RAD51B: variants seen among roughly 807,000 people sequenced by gnomAD.
RAD51B encodes the protein DNA repair protein RAD51 homolog 2.
In RAD51B, 38 loss-of-function variants were observed where a neutral mutation model predicts 42.2. The ratio of observed to expected loss-of-function variants is 0.90; its 90% confidence interval spans 0.70 to 1.18. The LOEUF (loss-of-function observed/expected upper bound fraction) is 1.18, where lower values mean the gene tolerates loss of function less well. RAD51B is among the 50% of genes most tolerant of loss of function. The pLI is 0.00. For missense variants in RAD51B, 373 were observed against 400.7 expected, an observed-to-expected ratio of 0.93 and a Z score of 0.59; for synonymous variants, 154 against 145.2, an observed-to-expected ratio of 1.06 and a Z score of -0.43.
At chr14:67,946,299 T>G (rs2045389368) in intron 7 of RAD51B, among the ~76,000 whole-genome samples, 1 of 152,208 alleles carries the variant, frequency 6.6e-6, no homozygotes, top group Admixed American at 6.5e-5. Flanking sequence ...AATAAATAGC[T>G]AAAGAAATTA....
intron 5 of RAD51B, among the ~76,000 whole-genome samples, chr14:67,867,686 G>A (rs575268237): frequency 6.6e-6 from 1 of 152,198 alleles, no homozygotes; most frequent in Admixed American, 6.5e-5. Context: ...TAAAACTGGG[G>A]CTCTCATAGC....
At chr14:68,332,920 A>G (rs2082378345) in intron 8 of RAD51B, among the ~76,000 whole-genome samples, 1 of 152,228 alleles carries the variant, frequency 6.6e-6, no homozygotes, top group Non-Finnish European at 1.5e-5. Context: ...AGTGATGCTG[A>G]AATGACTGAT....
chr14:68,027,499 A>G (rs867459793), intron 7 of RAD51B, among the ~76,000 whole-genome samples: 1 of 151,658 alleles, frequency 6.6e-6, no homozygotes, highest in African/African-American at 2.4e-5. Context: ...ATCTCTTTAC[A>G]TGCGCTCATA....
chr14:67,844,055 T>C (rs1739017632), intron 4 of RAD51B, among the ~76,000 whole-genome samples: 1 of 152,172 alleles, frequency 6.6e-6, no homozygotes, highest in Non-Finnish European at 1.5e-5. Context: ...TGTATCTTTA[T>C]TCTCATTAGT....
chr14:68,581,720 A>G (rs930685100), intron 10 of RAD51B, among the ~76,000 whole-genome samples: 1 of 152,228 alleles, frequency 6.6e-6, no homozygotes, highest in African/African-American at 2.4e-5. Flanking sequence ...AGCAAAAAGA[A>G]CAAACCTGGA....
At chr14:67,935,353 C>CA (rs1337734194) in intron 7 of RAD51B, among the ~76,000 whole-genome samples, 2 of 152,092 alleles carry the variant, frequency 1.3e-5, no homozygotes, top group African/African-American at 2.4e-5. Context: ...GCCAATTCTA[C>CA]AAATACAACT....
chr14:68,140,704 C>T (rs1372961622), intron 7 of RAD51B, among the ~76,000 whole-genome samples: 2 of 152,214 alleles, frequency 1.3e-5, no homozygotes, highest in Non-Finnish European at 2.9e-5. Flanking sequence ...TTCATACCCC[C>T]TGCCATGCTC....
chr14:67,841,630 G>T (rs1356514757), intron 4 of RAD51B, among the ~76,000 whole-genome samples: 1 of 152,172 alleles, frequency 6.6e-6, no homozygotes, highest in Non-Finnish European at 1.5e-5. Flanking sequence ...TAATTATTCT[G>T]CATATGGCTA....
At chr14:68,482,398 A>G (rs147542955), downstream of RAD51B, among the ~76,000 whole-genome samples, 302 of 152,314 alleles carry the variant, frequency 2.0e-3, no homozygotes, top group Non-Finnish European at 2.9e-3. Flanking sequence ...TGAACAAAGC[A>G]AAATGACTGC....
At chr14:68,589,681 G>T (rs1890652081) in intron 10 of RAD51B, among the ~76,000 whole-genome samples, 1 of 152,156 alleles carries the variant, frequency 6.6e-6, no homozygotes. Context: ...TAGAAGCCTG[G>T]CCAGGCCCCT....
intron 7 of RAD51B, among the ~76,000 whole-genome samples, chr14:68,016,481 A>G (rs2075779597): frequency 6.6e-6 from 1 of 152,204 alleles, no homozygotes; most frequent in Admixed American, 6.5e-5. Context: ...AATGTCCAAC[A>G]TATTTAACAA....
intron 10 of RAD51B, chr14:68,540,081 G>A (rs1212430953): frequency 6.6e-6 from 4 of 605,552 alleles, no homozygotes; most frequent in South Asian, 1.5e-4. Context: ...AGCAATAGAG[G>A]GACAGAGAGA....
intron 7 of RAD51B, among the ~76,000 whole-genome samples, chr14:68,244,357 A>G (rs1384063465): frequency 3.3e-5 from 5 of 152,194 alleles, no homozygotes; most frequent in Non-Finnish European, 1.5e-5. Context: ...TGGAACAGAT[A>G]AAGCATTGGC....
intron 10 of RAD51B, among the ~76,000 whole-genome samples, chr14:68,609,190 C>T (rs1194113110): frequency 6.6e-6 from 1 of 152,218 alleles, no homozygotes; most frequent in Non-Finnish European, 1.5e-5. Context: ...CAGGCCTGCC[C>T]CGAGGGCCCC....
Position 68,128,721 on chromosome 14 carries a change from A to G in RAD51B, c.757-163163A>G, listed in dbSNP as rs549826221. Among the ~76,000 whole-genome samples, 6 of 152,284 alleles carry G rather than the reference A, an allele frequency of 3.9e-5. No individual in the cohort carries two copies. In the South Asian group the frequency reaches 6.2e-4, roughly 16 times the overall value. ...AAAACGTGAGTGGGGGGGCTTGTAG[A>G]TACTGCTCTGTATCTCTGCTCTCAA... On this transcript the variant is annotated intron_variant, in intron 7 of 10. Coordinates refer to ENST00000471583, the MANE Select transcript of RAD51B (RefSeq NM_133510.4).
At chr14:67,923,262 A>G (rs1206488557) in intron 7 of RAD51B, among the ~76,000 whole-genome samples, 3 of 146,298 alleles carry the variant, frequency 2.1e-5, no homozygotes, top group South Asian at 2.2e-4. Flanking sequence ...GTGTGTATAT[A>G]TATATATCAC....
At chr14:68,019,045 G>A (rs1277086957) in intron 7 of RAD51B, among the ~76,000 whole-genome samples, 4 of 151,992 alleles carry the variant, frequency 2.6e-5, no homozygotes, top group East Asian at 1.9e-4. Context: ...TAGTTATTAG[G>A]CATTCAGTAA....
intron 9 of RAD51B, among the ~76,000 whole-genome samples, chr14:68,422,559 C>CAAAA (rs60206313): frequency 8.6e-5 from 9 of 104,544 alleles, no homozygotes; most frequent in Admixed American, 1.1e-4. Context: ...GTCTCCATCT[C>CAAAA]AAAAAAAAAA....
At chr14:68,624,307 C>A (rs2140117591) in intron 10 of RAD51B, among the ~76,000 whole-genome samples, 1 of 152,312 alleles carries the variant, frequency 6.6e-6, no homozygotes, top group Non-Finnish European at 1.5e-5. Context: ...AGGGCAGTCA[C>A]CCCCTCTCAG....
Sources: allele counts gnomAD v4.1 joint callset (sites outside exome capture counted in the v4.1 genomes callset), GRCh38; gene constraint gnomAD v4.1.1; transcripts MANE v1.5; gene names NCBI Gene and HGNC (gene_info 2026-07-23, HGNC 2026-07-21).